Variants in NRXN1 observed in about 807,000 individuals in gnomAD.
NRXN1 encodes the protein neurexin-1.
Under a neutral mutation model 150.9 loss-of-function variants are expected in NRXN1, and 39 were observed. That is an observed-to-expected ratio of 0.26 (90% CI 0.20 to 0.34). The LOEUF (loss-of-function observed/expected upper bound fraction) is 0.34. Ranked by LOEUF, NRXN1 falls within the 10% of genes least tolerant of loss-of-function variation. NRXN1 has a pLI of 1.00. For missense variants in NRXN1, 1,815 were observed against 1,949.9 expected, an observed-to-expected ratio of 0.93 and a Z score of 1.30; for synonymous variants, 924 against 757.0, an observed-to-expected ratio of 1.22 and a Z score of -3.62.
At chr2:50,016,240 A>C (rs1457685781) in intron 21 of NRXN1, among the ~76,000 whole-genome samples, 4 of 152,112 alleles carry the variant, frequency 2.6e-5, no homozygotes, top group Non-Finnish European at 4.4e-5. Context: ...GAGTCTCAGG[A>C]TAAGACCGAG....
At chr2:50,157,298 C>T (rs747586172) in intron 18 of NRXN1, among the ~76,000 whole-genome samples, 3 of 151,900 alleles carry the variant, frequency 2.0e-5, no homozygotes, top group African/African-American at 2.4e-5. Flanking sequence ...ATTGTATCTG[C>T]GTCTTAACTT....
At chr2:50,915,271 A>C (rs1184344863) in intron 5 of NRXN1, among the ~76,000 whole-genome samples, 1 of 151,698 alleles carries the variant, frequency 6.6e-6, no homozygotes, top group Non-Finnish European at 1.5e-5. Flanking sequence ...ACTAGGTGTC[A>C]GCAGTCTCAA....
chr2:50,548,068 T>C (rs1261043100), intron 9 of NRXN1: 1 of 152,110 alleles, frequency 6.6e-6, no homozygotes, highest in African/African-American at 2.4e-5. Context: ...CCCCTTTCAG[T>C]GAACTAAAGA....
At chr2:49,930,567 C>A (rs1387102414) in intron 22 of NRXN1, among the ~76,000 whole-genome samples, 1 of 152,078 alleles carries the variant, frequency 6.6e-6, no homozygotes, top group African/African-American at 2.4e-5. Flanking sequence ...TTCTCTCAAC[C>A]GTATATCACA....
At chr2:50,827,588 A>G (rs1331635241) in intron 5 of NRXN1, among the ~76,000 whole-genome samples, 3 of 152,212 alleles carry the variant, frequency 2.0e-5, no homozygotes, top group African/African-American at 7.2e-5. Context: ...CACATCTAAA[A>G]TTAATGTTTT....
chr2:50,013,232 G>A (rs1685995220), intron 21 of NRXN1, among the ~76,000 whole-genome samples: 1 of 147,862 alleles, frequency 6.8e-6, no homozygotes, highest in Non-Finnish European at 1.5e-5. Context: ...ACTACAAAGG[G>A]GTTTTCGTTT....
chr2:50,934,113 A>G (rs2104419880), intron 2 of NRXN1, among the ~76,000 whole-genome samples: 1 of 152,216 alleles, frequency 6.6e-6, no homozygotes, highest in Admixed American at 6.5e-5. Flanking sequence ...CTCCCTAAAC[A>G]TCAGTACCAG....
chr2:50,425,158 T>C (rs2084380134), intron 17 of NRXN1, among the ~76,000 whole-genome samples: 1 of 152,186 alleles, frequency 6.6e-6, no homozygotes, highest in South Asian at 2.1e-4. Context: ...TCTTTTGTGA[T>C]AAAGTATTCT....
At chr2:50,829,756 C>G in intron 5 of NRXN1, 1 of 1,567,242 alleles carries the variant, frequency 6.4e-7, no homozygotes, top group Middle Eastern at 2.3e-4. Context: ...CGGCATGGCC[C>G]GCTTAAGTGC....
chr2:50,421,890 C>T (rs1326245287), intron 17 of NRXN1, among the ~76,000 whole-genome samples: 1 of 152,088 alleles, frequency 6.6e-6, no homozygotes, highest in East Asian at 1.9e-4. Context: ...ATTTACAAGT[C>T]TGTGACCATT....
intron 2 of NRXN1, among the ~76,000 whole-genome samples, chr2:51,020,416 G>A (rs1285345087): frequency 2.6e-5 from 4 of 151,886 alleles, no homozygotes; most frequent in Admixed American, 2.6e-4. Context: ...ATAATAATAA[G>A]AGAACTCTAC....
chr2:50,419,046 T>C (rs1055640741), intron 17 of NRXN1, among the ~76,000 whole-genome samples: 1 of 152,042 alleles, frequency 6.6e-6, no homozygotes, highest in African/African-American at 2.4e-5. Flanking sequence ...AAATACACAA[T>C]TGAGGAAGGG....
intron 5 of NRXN1, among the ~76,000 whole-genome samples, chr2:50,768,102 T>C (rs1702576599): frequency 6.6e-6 from 1 of 152,104 alleles, no homozygotes; most frequent in Non-Finnish European, 1.5e-5. Context: ...AGTGAGTTTT[T>C]ATAAATGTGC....
intron 17 of NRXN1, among the ~76,000 whole-genome samples, chr2:50,366,097 A>T (rs2079559601): frequency 6.6e-6 from 1 of 151,368 alleles, no homozygotes; most frequent in South Asian, 2.1e-4. Flanking sequence ...AGATAATAAG[A>T]ATAGGTTAGT....
intron 18 of NRXN1, among the ~76,000 whole-genome samples, chr2:50,185,966 T>G (rs947438198): frequency 6.6e-6 from 1 of 152,064 alleles, no homozygotes; most frequent in African/African-American, 2.4e-5. Context: ...TTCTGTATAG[T>G]TCCAAATGTT....
chr2:49,969,004 G>T (rs561466743), intron 21 of NRXN1, among the ~76,000 whole-genome samples: 1 of 152,174 alleles, frequency 6.6e-6, no homozygotes, highest in East Asian at 1.9e-4. Context: ...AAAGCACTGA[G>T]AGGGGTGCTT....
intron 5 of NRXN1, among the ~76,000 whole-genome samples, chr2:50,854,326 G>A (rs1674948107): frequency 6.6e-6 from 1 of 152,006 alleles, no homozygotes; most frequent in South Asian, 2.1e-4. Flanking sequence ...GCATCTTCCT[G>A]TAAGATCTGT....
chr2:50,661,944 A>G (rs1053555091), intron 5 of NRXN1, among the ~76,000 whole-genome samples: 2 of 152,084 alleles, frequency 1.3e-5, no homozygotes, highest in African/African-American at 2.4e-5. Context: ...TGGTCTGTCC[A>G]TCACTGCAAT....
At chr2:50,043,303 T>C (rs979514549) in intron 21 of NRXN1, among the ~76,000 whole-genome samples, 1 of 152,172 alleles carries the variant, frequency 6.6e-6, no homozygotes, top group African/African-American at 2.4e-5. Flanking sequence ...AAGCCCTCAG[T>C]TCAGAACAGA....
Sources: gnomAD v4.1 joint callset for allele counts (sites outside exome capture counted in the v4.1 genomes callset) on GRCh38, gnomAD v4.1.1 for gene constraint, MANE v1.5 for transcripts, NCBI Gene and HGNC (gene_info 2026-07-23, HGNC 2026-07-21) for gene names.